Variants in IMPA1 observed in about 807,000 individuals in gnomAD.
IMPA1 encodes the protein D-galactose 1-phosphate phosphatase.
IMPA1 carries 21 observed loss-of-function variants against 34.9 expected under a neutral mutation model. The ratio of observed to expected loss-of-function variants is 0.60; its 90% CI spans 0.43 to 0.87. The LOEUF is 0.87. Ranked by LOEUF, IMPA1 falls within the 40% of genes least tolerant of loss-of-function variation. The pLI is 0.00. For synonymous variants in IMPA1, 95 were observed against 104.4 expected, an observed-to-expected ratio of 0.91 and a Z score of 0.55; for missense variants, 299 against 336.4, an observed-to-expected ratio of 0.89 and a Z score of 0.87.
chr8:81,678,317 G>A (rs924045426), intron 4 of IMPA1, among the ~76,000 whole-genome samples: 1 of 152,092 alleles, frequency 6.6e-6, no homozygotes, highest in Non-Finnish European at 1.5e-5. Context: ...CTCCCCAAGA[G>A]TGACTTCATT....
At chr8:81,679,536 C>G (rs1246367914) in intron 3 of IMPA1, among the ~76,000 whole-genome samples, 1 of 151,172 alleles carries the variant, frequency 6.6e-6, no homozygotes, top group Non-Finnish European at 1.5e-5. Flanking sequence ...TGGCTTTAGC[C>G]TGGTAGGCGG....
intron 4 of IMPA1, among the ~76,000 whole-genome samples, chr8:81,677,634 C>T (rs908267301): frequency 2.0e-5 from 3 of 152,144 alleles, no homozygotes; most frequent in Non-Finnish European, 4.4e-5. Flanking sequence ...ACTATTGAAG[C>T]TAAAGCTGTT....
intron 7 of IMPA1, among the ~76,000 whole-genome samples, 174 bp from the exon 8 acceptor site, chr8:81,660,841 AT>A (rs1446433048): frequency 3.3e-5 from 5 of 152,284 alleles, no homozygotes; most frequent in African/African-American, 1.2e-4. Context: ...TCTAATTATC[AT>A]CGTATATTAT....
intron 2 of IMPA1, 109 bp from the exon 3 acceptor site, chr8:81,680,892 A>G (rs1807280070): frequency 1.2e-6 from 1 of 814,634 alleles, no homozygotes; most frequent in South Asian, 2.0e-5. Flanking sequence ...TATTCTTTAA[A>G]GACATTCTTA....
In IMPA1 at chr8:81,669,235, G is replaced by A. The variant is rs79019827; in HGVS notation, c.566+1704C>T. On this transcript the variant is annotated intron_variant, in intron 7 of 8. Transcript: ENST00000256108. ...CACAGAGAGTCCCCACTAGGGTAAT[G>A]CCTAACTAGTGGAGCCATGAAAGCA... 5.8e-3 allele frequency among the ~76,000 whole-genome samples: 881 copies of A among 152,184 alleles called. 4 individuals carry two copies. The highest frequency in any genetic ancestry group is 9.0e-3 in the Non-Finnish European group (613 of 67,990).
chr8:81,668,543 T>A, intron 7 of IMPA1, among the ~76,000 whole-genome samples: 1 of 152,082 alleles, frequency 6.6e-6, no homozygotes, highest in Non-Finnish European at 1.5e-5. Flanking sequence ...CACTGAGCTA[T>A]AATTGCACCA....
rs185408248 is a variant in IMPA1, at chr8:81,676,418, T to C, written c.303-139A>G. On this transcript the variant is annotated intron_variant, in intron 4 of 8. Coordinates refer to ENST00000256108, the MANE Select transcript of IMPA1 (RefSeq NM_005536.4). ...TCTCCACTCCCCACAAAATCTAAGA[T>C]GCAAAACAGTTTGTATGGTATACAA... 3,279 of 469,290 alleles carry C rather than the reference T, an allele frequency of 7.0e-3. 19 individuals carry two copies. Among genetic ancestry groups the C allele is most frequent in the South Asian group, 0.012 (346 of 29,088 alleles). The allele number at this position is 469,290 out of a possible 1,614,324, so 29.1% of individuals were successfully genotyped here. A position where few individuals can be genotyped will look rare whatever the true frequency, so the allele number is the denominator to read the frequency against.
Position 81,686,266 on chromosome 8 carries a change from C to G in IMPA1, c.-39G>C, listed in dbSNP as rs913628233. 1.0e-6 allele frequency: 1 copy of G among 1,002,262 alleles called. No individual in the cohort carries two copies. The highest frequency in any genetic ancestry group is 1.2e-6 in the Non-Finnish European group (1 of 839,932). 62.1% of individuals were successfully genotyped at this position (1,002,262 alleles called of 1,614,324 possible). A position where few individuals can be genotyped will look rare whatever the true frequency, so the allele number is the denominator to read the frequency against. ...AACGGTCTCACCTTGAGTCGGAGGACGTCCGGCTAGCTCTGTGAACGGTGT... is the reference window on the plus strand; with the variant it reads ...AACGGTCTCACCTTGAGTCGGAGGAGGTCCGGCTAGCTCTGTGAACGGTGT... On this transcript the variant is annotated 5_prime_UTR_variant, in exon 1 of 9. Coordinates refer to ENST00000256108, the MANE Select transcript of IMPA1 (RefSeq NM_005536.4).
At chr8:81,662,843 G>A (rs572070223) in intron 7 of IMPA1, among the ~76,000 whole-genome samples, 2 of 152,246 alleles carry the variant, frequency 1.3e-5, no homozygotes, top group South Asian at 4.2e-4. Flanking sequence ...CATACATAGT[G>A]AATTTCATCT....
At chr8:81,683,345 T>C (rs1807355852) in intron 1 of IMPA1, among the ~76,000 whole-genome samples, 2 of 152,188 alleles carry the variant, frequency 1.3e-5, no homozygotes, top group South Asian at 4.1e-4. Flanking sequence ...TCAGCAGATT[T>C]ACATTCAGGA....
At chr8:81,662,503 C>A (rs1806708221) in intron 7 of IMPA1, among the ~76,000 whole-genome samples, 1 of 152,118 alleles carries the variant, frequency 6.6e-6, no homozygotes, top group African/African-American at 2.4e-5. Context: ...ACTTAACTAC[C>A]AGATAATTAA....
chr8:81,659,237 G>T lies in IMPA1; in HGVS notation c.*114C>A. On this transcript the variant is annotated 3_prime_UTR_variant, in exon 9 of 9. Transcript: ENST00000256108. ...AATAAGAAACAAGTTCCAAATTTTT[G>T]ACCTGGACAAAGAGAATTTAAACCA... The T allele has an allele frequency of 1.5e-6, 1 of 687,200 alleles. No individual in the cohort carries two copies. The allele number at this position is 687,200 out of a possible 1,614,324, so 42.6% of individuals were successfully genotyped here.
In IMPA1 at chr8:81,660,614, C is replaced by CCGCCAGT; in HGVS notation, c.613_619dup (p.Gly207AspfsTer9). On this transcript the variant is annotated frameshift_variant, in exon 8 of 9. Transcript: ENST00000256108. LOFTEE classifies it high-confidence loss of function. ...TCCCATTTCATAATATGCATCTGCT[C>CCGCCAGT]CGCCAGTTGCCACAAGGCACATATT... 1.2e-6 allele frequency: 2 copies of CCGCCAGT among 1,612,220 alleles called. No individual in the cohort carries two copies. The highest frequency in any genetic ancestry group is 1.7e-6 in the Non-Finnish European group (2 of 1,178,346).
chr8:81,685,918 C>A (rs1450919253), intron 1 of IMPA1: 1 of 1,543,470 alleles, frequency 6.5e-7, no homozygotes, highest in Middle Eastern at 1.7e-4. Flanking sequence ...TGCCCCATCA[C>A]TTAGAGTGAC....
At chr8:81,668,867 C>G (rs953103003) in intron 7 of IMPA1, among the ~76,000 whole-genome samples, 6 of 152,166 alleles carry the variant, frequency 3.9e-5, no homozygotes, top group Non-Finnish European at 8.8e-5. Flanking sequence ...TTTCATGGAA[C>G]AGGCCTGGGA....
chr8:81,685,567 A>C lies in IMPA1; in HGVS notation c.-25+685T>G, dbSNP rs968019795. Among the ~76,000 whole-genome samples the C allele has an allele frequency of 2.8e-5, 4 of 144,962 alleles. No individual in the cohort carries two copies. The Admixed American group carries it at 2.8e-4, about 10-fold the overall frequency. ...ACGTAAGTATATTTATGTACTATAT[A>C]TAAGTATACAGAAGTATATTTATGT... is the stretch of plus-strand genomic sequence containing the variant. On this transcript the variant is annotated intron_variant, in intron 1 of 8. Transcript: ENST00000256108.
In IMPA1 at chr8:81,686,296, G is replaced by T. The variant is rs1055046932; in HGVS notation, c.-69C>A. ...GGCTAGCTCTGTGAACGGTGTTACC[G>T]CACTCGTCTCTTCCGGAGGTAGAGG... is the stretch of plus-strand genomic sequence containing the variant. On this transcript the variant is annotated 5_prime_UTR_variant, in exon 1 of 9. Coordinates refer to ENST00000256108, the MANE Select transcript of IMPA1 (RefSeq NM_005536.4). The T allele has an allele frequency of 1.2e-5, 12 of 990,074 alleles. No homozygotes were observed. Among genetic ancestry groups the T allele is most frequent in the Non-Finnish European group, 1.4e-5 (12 of 832,758 alleles). The allele number at this position is 990,074 out of a possible 1,614,324, so 61.3% of individuals were successfully genotyped here. A position where few individuals can be genotyped will look rare whatever the true frequency, so the allele number is the denominator to read the frequency against.
intron 7 of IMPA1, among the ~76,000 whole-genome samples, chr8:81,661,383 C>A (rs73695826): frequency 0.018 from 2,698 of 150,882 alleles, 95 homozygotes; most frequent in African/African-American, 0.062. Flanking sequence ...TCTACCATTA[C>A]CAAGTTATCC....
chr8:81,659,845 C>T (rs1196247112), intron 8 of IMPA1, among the ~76,000 whole-genome samples: 4 of 152,142 alleles, frequency 2.6e-5, no homozygotes, highest in Non-Finnish European at 4.4e-5. Context: ...TGAATTCTTT[C>T]AGCACAGATT....
Sources: allele counts gnomAD v4.1 joint callset (sites outside exome capture counted in the v4.1 genomes callset), GRCh38; gene constraint gnomAD v4.1.1; transcripts MANE v1.5; gene names NCBI Gene and HGNC (gene_info 2026-07-23, HGNC 2026-07-21).